DYSF: variants seen among roughly 807,000 people sequenced by gnomAD.
The protein encoded by DYSF is dysferlin.
A neutral mutation model predicts 274.9 loss-of-function variants in DYSF; 212 were observed. That is an observed-to-expected ratio of 0.77 (90% CI 0.69 to 0.86). The LOEUF is 0.86. DYSF is among the 40% of genes least tolerant of loss of function. The pLI, the probability that DYSF is intolerant of heterozygous loss-of-function variation, is 0.00. For synonymous variants in DYSF, 1,091 were observed against 1,078.7 expected, an observed-to-expected ratio of 1.01 and a Z score of -0.22; for missense variants, 2,666 against 2,783.2, an observed-to-expected ratio of 0.96 and a Z score of 0.95.
At chr2:71,628,073 A>G (rs905587626) in intron 41 of DYSF, among the ~76,000 whole-genome samples, 1 of 152,114 alleles carries the variant, frequency 6.6e-6, no homozygotes, top group Non-Finnish European at 1.5e-5. Flanking sequence ...TGTTTCTGCC[A>G]TCTTATTTTG....
chr2:71,662,103 C>A (rs752686040), intron 45 of DYSF, among the ~76,000 whole-genome samples: 6 of 152,210 alleles, frequency 3.9e-5, no homozygotes, highest in African/African-American at 7.2e-5. Context: ...CCATCTCCCC[C>A]CAATCCTGGG....
chr2:71,590,122 C>G, intron 31 of DYSF, 89 bp from the exon 32 acceptor site: 3 of 1,330,374 alleles, frequency 2.3e-6, no homozygotes, highest in Non-Finnish European at 3.2e-6. Flanking sequence ...GCTGCCCTTT[C>G]TAGGGACAGA....
At chr2:71,540,011 A>C (rs1391363834) in intron 17 of DYSF, among the ~76,000 whole-genome samples, 2 of 151,996 alleles carry the variant, frequency 1.3e-5, no homozygotes, top group African/African-American at 2.4e-5. Flanking sequence ...TAAATTGGCA[A>C]GGAATATTTC....
At chr2:71,568,633 T>C (rs1379993152) in intron 26 of DYSF, among the ~76,000 whole-genome samples, 1 of 151,966 alleles carries the variant, frequency 6.6e-6, no homozygotes, top group African/African-American at 2.4e-5. Flanking sequence ...TGATCGCAGC[T>C]CATTGCAGCC....
intron 26 of DYSF, among the ~76,000 whole-genome samples, chr2:71,568,630 A>G (rs2092255398): frequency 6.6e-6 from 1 of 150,982 alleles, no homozygotes; most frequent in African/African-American, 2.4e-5. Flanking sequence ...GCATGATCGC[A>G]GCTCATTGCA....
Position 71,686,533 on chromosome 2 carries a change from C to T in DYSF, c.*41C>T. ...GTAGAAGGGGCCGTGGGGTCCCCTC[C>T]AGCATGGGACTGGCCTGCCTCCTCC... On this transcript the variant is annotated 3_prime_UTR_variant, in exon 56 of 56. Transcript: ENST00000410020. The T allele has an allele frequency of 6.2e-7, 1 of 1,612,202 alleles. No individual in the cohort carries two copies. Among genetic ancestry groups the T allele is most frequent in the Non-Finnish European group, 8.5e-7 (1 of 1,178,660 alleles).
intron 30 of DYSF, chr2:71,576,131 G>C (rs915026385): frequency 1.3e-5 from 2 of 152,400 alleles, no homozygotes; most frequent in African/African-American, 4.8e-5. Context: ...GCACCTGGGT[G>C]AGGGATGGAG....
chr2:71,505,958 T>C (rs1305116861), intron 4 of DYSF, among the ~76,000 whole-genome samples: 2 of 152,214 alleles, frequency 1.3e-5, no homozygotes, highest in Admixed American at 6.5e-5. Context: ...AGTGAGTCCC[T>C]GAGCTTTCTT....
chr2:71,619,547 T>G (rs1574407642), intron 40 of DYSF, among the ~76,000 whole-genome samples: 1 of 152,172 alleles, frequency 6.6e-6, no homozygotes, highest in South Asian at 2.1e-4. Context: ...CAGCCTGGGG[T>G]TTCGCCCCTT....
chr2:71,466,638 G>C, upstream of DYSF: 6 of 1,300,510 alleles, frequency 4.6e-6, no homozygotes, highest in Non-Finnish European at 5.9e-6. Context: ...GGGGCCGGAG[G>C]GGGAGGGTCC....
chr2:71,511,357 C>A (rs1192422302), intron 4 of DYSF, among the ~76,000 whole-genome samples: 2 of 152,206 alleles, frequency 1.3e-5, no homozygotes, highest in African/African-American at 2.4e-5. Flanking sequence ...ATTGACTGAG[C>A]AGAGTGGCCA....
At chr2:71,454,715 G>T (rs1424824556) in intron 1 of DYSF, among the ~76,000 whole-genome samples, 3 of 152,220 alleles carry the variant, frequency 2.0e-5, no homozygotes, top group Non-Finnish European at 4.4e-5. Context: ...GGGAGCGGGG[G>T]TCGTATCTGC....
chr2:71,527,493 G>C (rs1158040218), intron 13 of DYSF, among the ~76,000 whole-genome samples: 1 of 152,182 alleles, frequency 6.6e-6, no homozygotes, highest in Admixed American at 6.5e-5. Flanking sequence ...GCAACTAGAA[G>C]TGAGGCTGGT....
At chr2:71,673,378 T>C (rs1314927477) in intron 51 of DYSF, among the ~76,000 whole-genome samples, 1 of 151,988 alleles carries the variant, frequency 6.6e-6, no homozygotes, top group African/African-American at 2.4e-5. Context: ...CCAGGCGAGC[T>C]GGTCTGAGGG....
rs1334352542 is a variant in DYSF, at chr2:71,480,872, G to A, written c.92-11G>A. 1.9e-6 allele frequency: 3 copies of A among 1,613,186 alleles called. No homozygotes were observed. Among genetic ancestry groups the A allele is most frequent in the Non-Finnish European group, 2.5e-6 (3 of 1,179,102 alleles). ...TGTGTCTCTCCATTCTCCCTTTTGT[G>A]TCTCTTGTAGGGGTGAAGAAGAGAA... On this transcript the variant is annotated splice_polypyrimidine_tract_variant and intron_variant, in intron 1 of 55. Coordinates refer to ENST00000410020, the MANE Select transcript of DYSF (RefSeq NM_001130987.2).
chr2:71,549,691 C>T (rs1352387492), intron 17 of DYSF, among the ~76,000 whole-genome samples: 1 of 147,494 alleles, frequency 6.8e-6, no homozygotes, highest in African/African-American at 2.5e-5. Flanking sequence ...GGGGTAGGGG[C>T]AGGCATGGGG....
At chr2:71,654,520 T>C (rs3116669) in intron 42 of DYSF, among the ~76,000 whole-genome samples, 129,557 of 152,224 alleles carry the variant, frequency 0.85, 55,284 homozygotes, top group Middle Eastern at 0.9. Context: ...TGGTGGCTCA[T>C]GCCAGTAATC....
At position 71,457,755 on chromosome 2, in the gene DYSF, C is replaced by T. The variant is rs147175467; in HGVS notation, c.88+3669C>T. On this transcript the variant is annotated intron_variant, in intron 1 of 54. Transcript: ENST00000258104. Reference sequence around the variant, plus strand: ...CTCCCTCCAGGCAGTGCTCTCGTTCCGGGCAAGCTCACAGCTCTGACAGGA... The same window carrying T: ...CTCCCTCCAGGCAGTGCTCTCGTTCTGGGCAAGCTCACAGCTCTGACAGGA... Among the ~76,000 whole-genome samples the T allele has an allele frequency of 7.1e-3, 1,077 of 152,282 alleles. 12 individuals carry two copies. Among genetic ancestry groups the T allele is most frequent in the East Asian group, 0.027 (142 of 5,188 alleles).
intron 40 of DYSF, among the ~76,000 whole-genome samples, chr2:71,614,236 C>A (rs1209845838): frequency 6.6e-6 from 1 of 152,194 alleles, no homozygotes; most frequent in African/African-American, 2.4e-5. Flanking sequence ...AGGTTGTCAC[C>A]CTCCTCTCTG....
Sources: gnomAD v4.1 joint callset for allele counts (sites outside exome capture counted in the v4.1 genomes callset) on GRCh38, gnomAD v4.1.1 for gene constraint, MANE v1.5 for transcripts, NCBI Gene and HGNC (gene_info 2026-07-23, HGNC 2026-07-21) for gene names.